The following CDH12 variants were observed in gnomAD, a reference collection of about 807,000 sequenced individuals.
The protein encoded by CDH12 is cadherin-12.
In CDH12, 41 loss-of-function variants were observed where a neutral mutation model predicts 74.1. The observed-to-expected ratio is 0.55, with a 90% CI of 0.43 to 0.72. The LOEUF is 0.72. CDH12 is among the 30% of genes least tolerant of loss of function. The pLI, the probability that CDH12 is intolerant of heterozygous loss-of-function variation, is 0.00. For missense variants in CDH12, 945 were observed against 977.2 expected, an observed-to-expected ratio of 0.97 and a Z score of 0.44; for synonymous variants, 399 against 355.0, an observed-to-expected ratio of 1.12 and a Z score of -1.39.
intron 3 of CDH12, among the ~76,000 whole-genome samples, chr5:22,401,586 T>G (rs1045752299): frequency 6.6e-6 from 1 of 152,126 alleles, no homozygotes; most frequent in African/African-American, 2.4e-5. Flanking sequence ...ATATTGCAGG[T>G]CAAATACTAT....
intron 1 of CDH12, among the ~76,000 whole-genome samples, chr5:22,705,111 C>G (rs1160663802): frequency 1.0e-5 from 1 of 97,012 alleles, no homozygotes; most frequent in African/African-American, 3.9e-5. Context: ...ATTTCCCCAC[C>G]CAGTCATATA....
rs552209540 is a variant in CDH12 at position 22,380,351 on chromosome 5, T to A, written c.-333+24906A>T. Among the ~76,000 whole-genome samples the A allele has an allele frequency of 3.9e-5, 6 of 152,304 alleles. No homozygotes were observed. The South Asian group carries it at 1.2e-3, about 32-fold the overall frequency. The stretch of plus-strand genomic sequence containing the variant: ...AATTTCTTTGTCCCTTTTAAATTAT[T>A]TATTCTCAAAGGTTCTTTTGTTATA... On this transcript the variant is annotated intron_variant, in intron 3 of 14. Transcript: ENST00000382254.
intron 8 of CDH12, among the ~76,000 whole-genome samples, chr5:21,834,720 GA>G (rs149653522): frequency 0.018 from 2,710 of 151,960 alleles, 79 homozygotes; most frequent in African/African-American, 0.062. Flanking sequence ...TTCGATTAAG[GA>G]AAACCTTACC....
At chr5:22,765,970 A>T (rs1025817998) in intron 1 of CDH12, among the ~76,000 whole-genome samples, 4 of 151,956 alleles carry the variant, frequency 2.6e-5, no homozygotes, top group African/African-American at 9.7e-5. Flanking sequence ...GTGGACAAAG[A>T]ATATAGGAAG....
chr5:22,570,006 G>A (rs1739466192), intron 1 of CDH12, among the ~76,000 whole-genome samples: 1 of 152,034 alleles, frequency 6.6e-6, no homozygotes, highest in South Asian at 2.1e-4. Flanking sequence ...ATCTATAGCA[G>A]TAGGTATAAT....
At chr5:21,762,154 C>G (rs751831857) in intron 12 of CDH12, among the ~76,000 whole-genome samples, 34 of 152,032 alleles carry the variant, frequency 2.2e-4, no homozygotes, top group Non-Finnish European at 4.1e-4. Flanking sequence ...AGCAACATTA[C>G]TAAATTAAAT....
intron 6 of CDH12, among the ~76,000 whole-genome samples, chr5:21,912,218 A>G (rs1753887316): frequency 6.6e-6 from 1 of 152,180 alleles, no homozygotes. Context: ...GGTAAAATGA[A>G]TATGATATTT....
chr5:21,966,066 T>A (rs1464324557), intron 6 of CDH12, among the ~76,000 whole-genome samples: 1 of 151,872 alleles, frequency 6.6e-6, no homozygotes, highest in Non-Finnish European at 1.5e-5. Flanking sequence ...AATGGCAGCA[T>A]CTGATTTCAC....
chr5:22,308,084 G>GTT (rs1738201788), intron 3 of CDH12, among the ~76,000 whole-genome samples: 1 of 151,778 alleles, frequency 6.6e-6, no homozygotes, highest in African/African-American at 2.4e-5. Flanking sequence ...GTTTCACCAC[G>GTT]TTAGCCAGGA....
chr5:22,146,985 G>T (rs1276909158), intron 4 of CDH12, among the ~76,000 whole-genome samples: 1 of 151,960 alleles, frequency 6.6e-6, no homozygotes, highest in Non-Finnish European at 1.5e-5. Context: ...TATTGCAAAT[G>T]GACATATATT....
chr5:22,731,155 G>A (rs564846625), intron 1 of CDH12, among the ~76,000 whole-genome samples: 1 of 151,864 alleles, frequency 6.6e-6, no homozygotes, highest in East Asian at 1.9e-4. Context: ...CAATTAATCA[G>A]AATCTTTGGA....
rs529226613 is a variant in CDH12, at chr5:22,600,970, A to G, written c.-522-95606T>C. Among the ~76,000 whole-genome samples the G allele has an allele frequency of 9.7e-4, 147 of 152,242 alleles. No individual in the cohort carries two copies. The Middle Eastern group carries it at 0.034, about 35-fold the overall frequency. On this transcript the variant is annotated intron_variant, in intron 1 of 14. Coordinates refer to ENST00000382254, the MANE Select transcript of CDH12 (RefSeq NM_004061.5). Reference sequence around the variant, plus strand: ...AATAACACCTATGATGTGGTTATTTATATTTAACACTTGTAAATGAAGCTA... The same window carrying G: ...AATAACACCTATGATGTGGTTATTTGTATTTAACACTTGTAAATGAAGCTA...
intron 1 of CDH12, among the ~76,000 whole-genome samples, chr5:22,820,583 C>T (rs1380867072): frequency 6.6e-6 from 1 of 152,062 alleles, no homozygotes; most frequent in African/African-American, 2.4e-5. Flanking sequence ...ATACAAACTA[C>T]CATCAGAGAA....
chr5:22,214,635 A>T (rs1293051747), intron 3 of CDH12, among the ~76,000 whole-genome samples: 3 of 152,206 alleles, frequency 2.0e-5, no homozygotes, highest in African/African-American at 7.2e-5. Context: ...GAGGATCTTA[A>T]ATCGTGAACT....
At chr5:22,692,277 A>G (rs1311697857) in intron 1 of CDH12, among the ~76,000 whole-genome samples, 1 of 152,152 alleles carries the variant, frequency 6.6e-6, no homozygotes, top group Non-Finnish European at 1.5e-5. Flanking sequence ...CATACAGGCT[A>G]CAGAGCTATG....
At chr5:22,277,772 T>C (rs1486477868) in intron 3 of CDH12, among the ~76,000 whole-genome samples, 1 of 152,126 alleles carries the variant, frequency 6.6e-6, no homozygotes, top group Non-Finnish European at 1.5e-5. Context: ...AGGTGGAGAT[T>C]GCAGTGGGCC....
intron 4 of CDH12, among the ~76,000 whole-genome samples, chr5:22,117,550 C>G (rs7445535): frequency 1.0e-5 from 1 of 99,514 alleles, no homozygotes; most frequent in East Asian, 2.8e-4. Context: ...ATAGTGTGTG[C>G]GTGTGTGTTT....
chr5:22,566,731 C>T lies in CDH12; in HGVS notation c.-522-61367G>A, dbSNP rs76721605. The stretch of plus-strand genomic sequence containing the variant: ...TACATTATGAGGTACTTACATGTCA[C>T]TCATAATGTTAAAGTAATAACCAGT... On this transcript the variant is annotated intron_variant, in intron 1 of 14. Transcript: ENST00000382254. Among the ~76,000 whole-genome samples the T allele has an allele frequency of 7.7e-3, 1,165 of 152,204 alleles. 21 individuals are homozygous for T. Among genetic ancestry groups the T allele is most frequent in the African/African-American group, 0.027 (1,104 of 41,518 alleles).
At chr5:22,276,046 C>T (rs572733602) in intron 3 of CDH12, among the ~76,000 whole-genome samples, 19 of 152,058 alleles carry the variant, frequency 1.2e-4, no homozygotes, top group African/African-American at 4.6e-4. Context: ...AAATCAATTT[C>T]TTTTATTCAT....
Sources: allele counts gnomAD v4.1 joint callset (sites outside exome capture counted in the v4.1 genomes callset), GRCh38; gene constraint gnomAD v4.1.1; transcripts MANE v1.5; gene names NCBI Gene and HGNC (gene_info 2026-07-23, HGNC 2026-07-21).